ACTR3C: variants seen among roughly 807,000 people sequenced by gnomAD.
The protein encoded by ACTR3C is actin-related protein 3C.
A neutral mutation model predicts 26.3 loss-of-function variants in ACTR3C; 18 were observed. The observed-to-expected ratio is 0.68, with a 90% CI of 0.47 to 1.01. ACTR3C has a LOEUF of 1.01. Ranked by LOEUF, ACTR3C falls within the 50% of genes least tolerant of loss-of-function variation. The pLI, the probability that ACTR3C is intolerant of heterozygous loss-of-function variation, is 0.00. For synonymous variants in ACTR3C, 55 were observed against 94.5 expected (o/e 0.58, Z 2.42); for missense variants, 184 against 250.7 (o/e 0.73, Z 1.80).
At chr7:150,134,504 T>C in the ACTR3C span, among the ~76,000 whole-genome samples, 1 of 152,216 alleles carries the variant, frequency 6.6e-6, no homozygotes, top group Non-Finnish European at 1.5e-5. Context: ...CATGAACACG[T>C]GCACAAACAT....
chr7:149,979,324 G>A, the ACTR3C span, among the ~76,000 whole-genome samples: 3 of 152,150 alleles, frequency 2.0e-5, no homozygotes, highest in Non-Finnish European at 2.9e-5. Flanking sequence ...AATCTGCATC[G>A]CATTGTCAGG....
At chr7:149,994,980 G>A in the ACTR3C span, among the ~76,000 whole-genome samples, 10 of 150,098 alleles carry the variant, frequency 6.7e-5, no homozygotes, top group African/African-American at 2.4e-4. Context: ...TCAGCCTCCC[G>A]AGTAGCTGGG....
intron 1 of ACTR3C, 98 bp from the exon 2 acceptor site, chr7:150,295,445 C>T (rs1836665030): frequency 8.1e-7 from 1 of 1,234,810 alleles, no homozygotes; most frequent in Admixed American, 2.0e-5. Flanking sequence ...TTAGCGAGGA[C>T]ATTATACAAT....
chr7:150,188,816 C>T, the ACTR3C span, among the ~76,000 whole-genome samples: 1 of 151,412 alleles, frequency 6.6e-6, no homozygotes, highest in African/African-American at 2.4e-5. Context: ...TCATTCCCCC[C>T]AAAATACAAG....
chr7:150,223,623 C>A, the ACTR3C span, among the ~76,000 whole-genome samples: 45 of 151,384 alleles, frequency 3.0e-4, no homozygotes, highest in Admixed American at 2.8e-3. Flanking sequence ...CATGATAAAC[C>A]CATCATAAGT....
intron 5 of ACTR3C, among the ~76,000 whole-genome samples, chr7:150,285,178 T>A (rs1374571438): frequency 6.6e-6 from 1 of 152,118 alleles, no homozygotes; most frequent in Non-Finnish European, 1.5e-5. Flanking sequence ...TGACACGCAG[T>A]GAGAAACATG....
the ACTR3C span, among the ~76,000 whole-genome samples, chr7:149,980,957 G>A: frequency 6.6e-5 from 10 of 151,256 alleles, no homozygotes; most frequent in African/African-American, 2.0e-4. Flanking sequence ...TGCATTGATC[G>A]TTTGTCTATG....
the ACTR3C span, among the ~76,000 whole-genome samples, chr7:149,975,804 A>G: frequency 1.3e-5 from 2 of 152,208 alleles, no homozygotes; most frequent in Non-Finnish European, 2.9e-5. Flanking sequence ...TTAGAAAACC[A>G]TCAGCTCTCC....
chr7:150,266,219 A>G (rs1388770796), intron 6 of ACTR3C, among the ~76,000 whole-genome samples: 1 of 146,006 alleles, frequency 6.8e-6, no homozygotes, highest in Non-Finnish European at 1.5e-5. Flanking sequence ...ATTTCCTTCA[A>G]AGGCATTATA....
chr7:150,269,469 G>A (rs1055915452), intron 6 of ACTR3C, among the ~76,000 whole-genome samples: 2 of 150,696 alleles, frequency 1.3e-5, no homozygotes, highest in African/African-American at 4.9e-5. Context: ...CAGGCCGCTC[G>A]CAGGTCTGAG....
At chr7:150,131,780 C>T in the ACTR3C span, among the ~76,000 whole-genome samples, 1 of 152,200 alleles carries the variant, frequency 6.6e-6, no homozygotes, top group African/African-American at 2.4e-5. Flanking sequence ...TAGCACTACT[C>T]ATAATAGCCA....
the ACTR3C span, among the ~76,000 whole-genome samples, chr7:149,971,335 C>A: frequency 6.6e-6 from 1 of 152,120 alleles, no homozygotes; most frequent in African/African-American, 2.4e-5. Flanking sequence ...TGTGCCCTAC[C>A]GATGGGGTGT....
chr7:149,898,860 G>A, the ACTR3C span, among the ~76,000 whole-genome samples: 1,348 of 152,050 alleles, frequency 8.9e-3, 8 homozygotes, highest in Middle Eastern at 0.017. Flanking sequence ...CAAATATTTT[G>A]TCTATACCTA....
At chr7:149,990,160 G>C in the ACTR3C span, among the ~76,000 whole-genome samples, 48,188 of 151,708 alleles carry the variant, frequency 0.32, 7,964 homozygotes, top group Non-Finnish European at 0.37. Flanking sequence ...TGCCTGGGTT[G>C]TCAGTGAGCT....
chr7:149,969,379 G>A, the ACTR3C span, among the ~76,000 whole-genome samples: 4 of 151,490 alleles, frequency 2.6e-5, no homozygotes, highest in African/African-American at 9.8e-5. Context: ...CAGAAAGCTG[G>A]AGGCAACAGC....
At chr7:150,279,503 C>A (rs191243539) in intron 6 of ACTR3C, among the ~76,000 whole-genome samples, 2 of 151,074 alleles carry the variant, frequency 1.3e-5, no homozygotes, top group East Asian at 3.9e-4. Flanking sequence ...AACTCCCAAC[C>A]CACTGCTGGA....
At chr7:150,188,776 T>C in the ACTR3C span, among the ~76,000 whole-genome samples, 1 of 151,598 alleles carries the variant, frequency 6.6e-6, no homozygotes, top group Non-Finnish European at 1.5e-5. Flanking sequence ...TATTTTACTC[T>C]ATACAAATTA....
the ACTR3C span, among the ~76,000 whole-genome samples, chr7:150,183,438 TC>T: frequency 6.7e-6 from 1 of 150,104 alleles, no homozygotes; most frequent in East Asian, 1.9e-4. Context: ...GAATATTCTA[TC>T]CACTTCTCTT....
the ACTR3C span, among the ~76,000 whole-genome samples, chr7:150,084,247 A>T: frequency 8.5e-5 from 13 of 152,298 alleles, no homozygotes; most frequent in Admixed American, 2.6e-4. Flanking sequence ...TGAAAAAAAA[A>T]AAATAAACCT....
Sources: allele counts gnomAD v4.1 joint callset (sites outside exome capture counted in the v4.1 genomes callset), GRCh38; gene constraint gnomAD v4.1.1; transcripts MANE v1.5; gene names NCBI Gene and HGNC (gene_info 2026-07-23, HGNC 2026-07-21).